Variants in ABCA1 observed in about 807,000 individuals in gnomAD.
ABCA1 encodes ATP binding cassette subfamily A member 1.
A neutral mutation model predicts 262.5 loss-of-function variants in ABCA1; 133 were observed. That is an observed-to-expected ratio of 0.51 (90% confidence interval 0.44 to 0.59). The LOEUF (loss-of-function observed/expected upper bound fraction) is 0.59. Among genes scored for constraint, ABCA1 ranks in the 20% least tolerant of loss-of-function variants. The pLI is 0.00. For synonymous variants in ABCA1, 1,022 were observed against 1,043.5 expected (o/e 0.98, Z 0.40); for missense variants, 2,452 against 2,777.5 (o/e 0.88, Z 2.63).
intron 1 of ABCA1, among the ~76,000 whole-genome samples, chr9:104,911,105 T>C (rs999937305): frequency 2.6e-5 from 4 of 152,170 alleles, no homozygotes; most frequent in African/African-American, 9.7e-5. Context: ...GTTCTAGATG[T>C]CTTATATCAA....
At chr9:104,895,645 C>A (rs563472683) in intron 2 of ABCA1, among the ~76,000 whole-genome samples, 1 of 152,322 alleles carries the variant, frequency 6.6e-6, no homozygotes, top group East Asian at 1.9e-4. Context: ...CAATATGCAT[C>A]AAACCACTCT....
chr9:104,865,766 T>G (rs1330933596), intron 5 of ABCA1, among the ~76,000 whole-genome samples: 1 of 152,208 alleles, frequency 6.6e-6, no homozygotes, highest in East Asian at 1.9e-4. Context: ...ATACTCATCA[T>G]GGTAGGTGCT....
chr9:104,858,475 C>T (rs544895831), intron 7 of ABCA1, 47 bp downstream of exon 7: 35 of 1,588,888 alleles, frequency 2.2e-5, no homozygotes, highest in Middle Eastern at 2.2e-4. Flanking sequence ...CCTCACATTC[C>T]GAAAGCATTA....
chr9:104,828,876 G>C (rs570767949), intron 15 of ABCA1, 40 bp downstream of exon 15: 18 of 1,601,450 alleles, frequency 1.1e-5, no homozygotes, highest in Non-Finnish European at 1.4e-5. Context: ...GAGCTATTTC[G>C]GAGTTTCCTG....
chr9:104,829,649 C>A (rs150574439), intron 14 of ABCA1, among the ~76,000 whole-genome samples: 2 of 152,200 alleles, frequency 1.3e-5, no homozygotes, highest in Non-Finnish European at 2.9e-5. Context: ...AGGTTCACGT[C>A]AAAGCTTTAC....
chr9:104,903,073 G>C (rs2084322782), intron 2 of ABCA1, among the ~76,000 whole-genome samples: 1 of 152,160 alleles, frequency 6.6e-6, no homozygotes, highest in South Asian at 2.1e-4. Flanking sequence ...ATGATCTCCA[G>C]ATTACTCAAA....
At chr9:104,860,202 A>G (rs2472439) in intron 6 of ABCA1, among the ~76,000 whole-genome samples, 58,148 of 151,776 alleles carry the variant, frequency 0.38, 12,931 homozygotes, top group African/African-American at 0.63. Context: ...GTATGCTCAA[A>G]AAAAAGAATA....
intron 33 of ABCA1, 126 bp from the exon 34 acceptor site, chr9:104,802,285 G>T: frequency 1.3e-6 from 1 of 792,092 alleles, no homozygotes; most frequent in Non-Finnish European, 2.1e-6. Context: ...GCTAAATTTT[G>T]CCTCAGAGAA....
rs772261646 is a variant in ABCA1, at chr9:104,788,412, G to C, written c.6069+14C>G. On this transcript the variant is annotated intron_variant, in intron 45 of 49. Coordinates refer to ENST00000374736, the MANE Select transcript of ABCA1 (RefSeq NM_005502.4). ...GCCAAAGGAGACAGGCTGGCTTTCA[G>C]GTGCCCACAGTACCTTGCCAACTTC... 1.2e-6 allele frequency: 2 copies of C among 1,614,066 alleles called. No individual in the cohort carries two copies. The highest frequency in any genetic ancestry group is 4.5e-5 in the East Asian group (2 of 44,874).
chr9:104,890,258 TC>T (rs1839592309), intron 2 of ABCA1, among the ~76,000 whole-genome samples: 1 of 152,144 alleles, frequency 6.6e-6, no homozygotes, highest in African/African-American at 2.4e-5. Context: ...TGGTATAAAA[TC>T]CCTTTTTGTC....
intron 1 of ABCA1, among the ~76,000 whole-genome samples, chr9:104,911,272 G>A (rs973456123): frequency 6.6e-6 from 1 of 152,162 alleles, no homozygotes; most frequent in South Asian, 2.1e-4. Context: ...CATCTCCAGA[G>A]AGATGCACAG....
intron 44 of ABCA1, among the ~76,000 whole-genome samples, chr9:104,788,990 A>G (rs1157570862): frequency 1.3e-5 from 2 of 152,208 alleles, no homozygotes; most frequent in African/African-American, 4.8e-5. Flanking sequence ...GCAACACAGA[A>G]CCTAGAGACA....
intron 6 of ABCA1, among the ~76,000 whole-genome samples, chr9:104,861,014 C>T (rs142678973): frequency 0.027 from 4,116 of 152,160 alleles, 172 homozygotes; most frequent in African/African-American, 0.083. Context: ...CCTTGGCCTC[C>T]CAAAGTGCTG....
At chr9:104,861,522 G>A (rs1169886380) in intron 6 of ABCA1, 157 bp downstream of exon 6, 6 of 1,068,304 alleles carry the variant, frequency 5.6e-6, no homozygotes, top group East Asian at 2.4e-5. Context: ...GGCAATTCCT[G>A]CCTGAATAGG....
At position 104,825,777 on chromosome 9, in the gene ABCA1, T is replaced by C; in HGVS notation, c.2448A>G (p.Glu816=). The change falls in exon 17 of 50, where the codon GAA becomes GAG. Residue 816 remains glutamate, a synonymous_variant. Transcript: ENST00000374736. The part of the protein sequence containing the change: ...WDNLFESPVE[E]DGFNLTTSVS... ...CCGAAGTGGTGAGATTGAAGCCATC[T>C]TCCTCCACAGGACTCTCAAACAGGT... 6.2e-7 allele frequency: 1 copy of C among 1,614,230 alleles called. No individual in the cohort carries two copies. Among genetic ancestry groups the C allele is most frequent in the Non-Finnish European group, 8.5e-7 (1 of 1,180,044 alleles).
intron 11 of ABCA1, among the ~76,000 whole-genome samples, chr9:104,834,309 C>T (rs79983614): frequency 0.012 from 1,809 of 149,466 alleles, 115 homozygotes; most frequent in African/African-American, 0.042. Context: ...AATGGAGGTA[C>T]GCAGGATAGC....
Position 104,784,348 on chromosome 9 carries a change from T to G in ABCA1, c.6753A>C (p.Leu2251=), listed in dbSNP as rs755958919. Reference sequence around the variant, plus strand: ...AGCTTTCTTTCACTTTCTCATCCTGTAGAAAAGATGTGAGAACTGCAACGT... The same window carrying G: ...AGCTTTCTTTCACTTTCTCATCCTGGAGAAAAGATGTGAGAACTGCAACGT... ...VVDVAVLTSF[L]QDEKVKESYV is the part of the protein sequence containing the mutation. Residue 2251 remains leucine, a synonymous_variant, in exon 50 of 50, where the codon CTA becomes CTC. Transcript: ENST00000374736. 6.2e-7 allele frequency: 1 copy of G among 1,614,116 alleles called. No homozygotes were observed. Among genetic ancestry groups the G allele is most frequent in the South Asian group, 1.1e-5 (1 of 91,078 alleles).
chr9:104,820,127 T>C, intron 20 of ABCA1, 58 bp from the exon 21 acceptor site: 1 of 1,604,916 alleles, frequency 6.2e-7, no homozygotes, highest in Non-Finnish European at 8.5e-7. Flanking sequence ...GAATACAGTG[T>C]CCCCTGGCCC....
chr9:104,821,314 T>A, intron 20 of ABCA1, 61 bp downstream of exon 20: 6 of 1,597,150 alleles, frequency 3.8e-6, no homozygotes, highest in Non-Finnish European at 5.1e-6. Flanking sequence ...ACTCCTCCCA[T>A]GATGGCATGA....
Sources: allele counts gnomAD v4.1 joint callset (sites outside exome capture counted in the v4.1 genomes callset), GRCh38; gene constraint gnomAD v4.1.1; transcripts MANE v1.5; gene names NCBI Gene and HGNC (gene_info 2026-07-23, HGNC 2026-07-21).